Variants in ZNF396 observed in about 807,000 individuals in gnomAD.
ZNF396 encodes the protein zinc finger and SCAN domain-containing protein 14.
ZNF396 carries 14 observed loss-of-function variants against 20.5 expected under a neutral mutation model. The observed-to-expected ratio is 0.68, with a 90% CI of 0.45 to 1.07. The LOEUF is 1.07. Ranked by LOEUF, ZNF396 falls within the 50% of genes least tolerant of loss-of-function variation. The pLI is 0.00. For synonymous variants in ZNF396, 119 were observed against 140.6 expected, an observed-to-expected ratio of 0.85 and a Z score of 1.08; for missense variants, 347 against 390.1, an observed-to-expected ratio of 0.89 and a Z score of 0.93.
intron 1 of ZNF396, among the ~76,000 whole-genome samples, chr18:35,376,840 G>T (rs1007472270): frequency 1.3e-5 from 2 of 152,186 alleles, no homozygotes; most frequent in African/African-American, 4.8e-5. Flanking sequence ...CCCTGGAGGG[G>T]AGGCTTCGAT....
chr18:35,373,984 G>A lies in ZNF396; in HGVS notation c.309C>T (p.Ile103=). 1 of 1,614,180 alleles carries A rather than the reference G, an allele frequency of 6.2e-7. No individual in the cohort carries two copies. The highest frequency in any genetic ancestry group is 8.5e-7 in the Non-Finnish European group (1 of 1,180,022). Residue 103 remains isoleucine (I), a synonymous_variant, in exon 2 of 4, where the codon ATC becomes ATT. Coordinates refer to ENST00000589332, the MANE Select transcript of ZNF396 (RefSeq NM_001322286.2). The part of the protein sequence containing the change: ...ELLVLEQFLA[I]LPKELQAWVQ... ...CCCAGGCCTGAAGCTCTTTTGGGAG[G>A]ATGGCCAGGAACTGCTCCAGCACCA... is the stretch of plus-strand genomic sequence containing the variant.
chr18:35,375,498 C>G (rs952445704), intron 1 of ZNF396, among the ~76,000 whole-genome samples: 1 of 151,950 alleles, frequency 6.6e-6, no homozygotes, highest in Non-Finnish European at 1.5e-5. Flanking sequence ...TCAAGCATGT[C>G]CCAAGGCCTC....
intron 1 of ZNF396, among the ~76,000 whole-genome samples, chr18:35,376,640 G>A (rs1256620462): frequency 2.6e-5 from 4 of 152,192 alleles, no homozygotes; most frequent in Non-Finnish European, 5.9e-5. Context: ...GACCTGAGAG[G>A]TGGGAAGGGT....
chr18:35,368,059 A>C lies in ZNF396; in HGVS notation c.*1156T>G, dbSNP rs1392062056. On this transcript the variant is annotated 3_prime_UTR_variant, in exon 4 of 4. Transcript: ENST00000589332. Reference sequence around the variant, plus strand: ...GGTACATCTCTCCGACACACACTGTACTTGACAACACTTGTGGTACATCAG... The same window carrying C: ...GGTACATCTCTCCGACACACACTGTCCTTGACAACACTTGTGGTACATCAG... 1.1e-5 allele frequency: 2 copies of C among 187,100 alleles called. No individual in the cohort carries two copies. Among genetic ancestry groups the C allele is most frequent in the African/African-American group, 2.3e-5 (1 of 42,738 alleles). The allele number at this position is 187,100 out of a possible 1,614,324, so 11.6% of individuals were successfully genotyped here.
chr18:35,373,632 A>C, intron 2 of ZNF396, 32 bp from the exon 3 acceptor site: 1 of 1,609,818 alleles, frequency 6.2e-7, no homozygotes, highest in Non-Finnish European at 8.5e-7. Flanking sequence ...GCTGAAGAAC[A>C]CCATCAGGTT....
chr18:35,374,214 T>G lies in ZNF396; in HGVS notation c.79A>C (p.Met27Leu). The change falls in exon 2 of 4, where the codon ATG (methionine) becomes CTG (leucine). Residue 27 changes from methionine (M) to leucine (L), a missense_variant. Transcript: ENST00000589332. This position sits in a 1 kb window ranked among gnomAD's most constrained non-coding sequence, Gnocchi z 4.3. ...TCACAGGTCTGCTCTTCCTCTTCCA[T>G]CTTCTCTGTCAGAATCCCATTACAC... ...EECNGILTEKMEEEEQTCDPD... is the reference protein window; with the variant it reads ...EECNGILTEKLEEEEQTCDPD... 2 of 1,614,240 alleles carry G rather than the reference T, an allele frequency of 1.2e-6. No individual in the cohort carries two copies. Among genetic ancestry groups the G allele is most frequent in the Non-Finnish European group, 1.7e-6 (2 of 1,180,046 alleles).
In ZNF396 at chr18:35,367,884, C is replaced by T. The variant is rs1309227437; in HGVS notation, c.*1331G>A. The T allele has an allele frequency of 6.6e-6, 1 of 152,208 alleles. No homozygotes were observed. Among genetic ancestry groups the T allele is most frequent in the Non-Finnish European group, 1.5e-5 (1 of 68,044 alleles). The allele number at this position is 152,208 out of a possible 1,614,324, so 9.4% of individuals were successfully genotyped here. A position where few individuals can be genotyped will look rare whatever the true frequency, so the allele number is the denominator to read the frequency against. On this transcript the variant is annotated 3_prime_UTR_variant, in exon 4 of 4. Transcript: ENST00000589332. ...AGGGTCTCATTTCATGACAGCGTGT[C>T]TAGAAACTCATCTTACTAAGAATAC...
Position 35,369,131 on chromosome 18 carries a change from A to G in ZNF396, c.*84T>C, listed in dbSNP as rs1390829128. The G allele has an allele frequency of 6.9e-7, 1 of 1,456,238 alleles. No individual in the cohort carries two copies. The highest frequency in any genetic ancestry group is 9.0e-7 in the Non-Finnish European group (1 of 1,106,202). 90.2% of individuals were successfully genotyped at this position (1,456,238 alleles called of 1,614,324 possible). ...AGACTGGTGCTTACTAAGACCACTG[A>G]TTTGTACTAAGGAGCGTTTGCATCT... On this transcript the variant is annotated 3_prime_UTR_variant, in exon 4 of 4. Transcript: ENST00000589332.
chr18:35,371,206 T>A (rs978503099), intron 3 of ZNF396, among the ~76,000 whole-genome samples: 8 of 152,318 alleles, frequency 5.3e-5, no homozygotes, highest in African/African-American at 1.9e-4. Flanking sequence ...AATCTTAACA[T>A]AAGCCCTTCC....
rs552037661 is a variant in ZNF396, at chr18:35,369,098, T to C, written c.*117A>G. 5 of 1,437,244 alleles carry C rather than the reference T, an allele frequency of 3.5e-6. No individual in the cohort carries two copies. Among genetic ancestry groups the C allele is most frequent in the Middle Eastern group, 2.5e-4 (1 of 3,994 alleles). 89.0% of individuals were successfully genotyped at this position (1,437,244 alleles called of 1,614,324 possible). A position where few individuals can be genotyped will look rare whatever the true frequency, so the allele number is the denominator to read the frequency against. On this transcript the variant is annotated 3_prime_UTR_variant, in exon 4 of 4. Transcript: ENST00000589332. ...TTCTCTCCTGTGGCTTTCATGAGTCTTGAAAGGAGACTGGTGCTTACTAAG... is the reference window on the plus strand; with the variant it reads ...TTCTCTCCTGTGGCTTTCATGAGTCCTGAAAGGAGACTGGTGCTTACTAAG...
rs1414817761 is a variant in ZNF396 at position 35,368,761 on chromosome 18, T to C, written c.*454A>G. On this transcript the variant is annotated 3_prime_UTR_variant, in exon 4 of 4. Coordinates refer to ENST00000589332, the MANE Select transcript of ZNF396 (RefSeq NM_001322286.2). ...GCCAACCGCACCCAGCCAGGAATTC[T>C]TTTTGAGTGCTTTAATTTTTGGTCT... 3 of 989,536 alleles carry C rather than the reference T, an allele frequency of 3.0e-6. No individual in the cohort carries two copies. The highest frequency in any genetic ancestry group is 3.6e-6 in the Non-Finnish European group (3 of 833,038). 61.3% of individuals were successfully genotyped at this position (989,536 alleles called of 1,614,324 possible).
chr18:35,370,165 A>C (rs2045153934), intron 3 of ZNF396, among the ~76,000 whole-genome samples: 1 of 152,258 alleles, frequency 6.6e-6, no homozygotes, highest in Non-Finnish European at 1.5e-5. Flanking sequence ...TTAGGCCAAT[A>C]AAGGGAAGAT....
chr18:35,369,216 T>TA lies in ZNF396; in HGVS notation c.1006dup (p.Ter336LeufsTer27), dbSNP rs2045137005. 1 of 1,563,372 alleles carries TA rather than the reference T, an allele frequency of 6.4e-7. No homozygotes were observed. The highest frequency in any genetic ancestry group is 1.4e-5 in the African/African-American group (1 of 73,104). ...AATGCTTTGATTCCCTCATGATACT[T>TA]ATGGGACTTTTTTTCTAATGTGTCT... On this transcript the variant is annotated frameshift_variant and stop_lost, in exon 4 of 4. Coordinates refer to ENST00000589332, the MANE Select transcript of ZNF396 (RefSeq NM_001322286.2). LOFTEE classifies it high-confidence loss of function.
At chr18:35,375,308 A>C (rs9304147) in intron 1 of ZNF396, among the ~76,000 whole-genome samples, 2 of 145,504 alleles carry the variant, frequency 1.4e-5, no homozygotes, top group Non-Finnish European at 1.5e-5. Context: ...AAAAAAGAAA[A>C]AACAACAAAA....
In ZNF396 at chr18:35,368,482, T is replaced by TTTTATTTATTTATTTATTTATTTATTTA. The variant is rs56036260; in HGVS notation, c.*705_*732dup. The TTTTATTTATTTATTTATTTATTTATTTA allele has an allele frequency of 3.0e-6, 1 of 336,420 alleles. No homozygotes were observed. Among genetic ancestry groups the TTTTATTTATTTATTTATTTATTTATTTA allele is most frequent in the Non-Finnish European group, 5.0e-6 (1 of 198,256 alleles). The allele number at this position is 336,420 out of a possible 1,614,324, so 20.8% of individuals were successfully genotyped here. ...AGACAAAATAGGAATTTATTTTTAT[T>TTTTATTTATTTATTTATTTATTTATTTA]TTTATTTATTTATTTATTTATTTAT... On this transcript the variant is annotated 3_prime_UTR_variant, in exon 4 of 4. Transcript: ENST00000589332.
Position 35,368,818 on chromosome 18 carries a change from A to C in ZNF396, c.*397T>G. On this transcript the variant is annotated 3_prime_UTR_variant, in exon 4 of 4. Coordinates refer to ENST00000589332, the MANE Select transcript of ZNF396 (RefSeq NM_001322286.2). ...TTCTAGTGCTCAAGTTATGAAATGG[A>C]GGAGAATGTCTATTTTTACACTGAG... 1.0e-6 allele frequency: 1 copy of C among 996,416 alleles called. No individual in the cohort carries two copies. The highest frequency in any genetic ancestry group is 1.2e-6 in the Non-Finnish European group (1 of 837,752). The allele number at this position is 996,416 out of a possible 1,614,324, so 61.7% of individuals were successfully genotyped here. A position where few individuals can be genotyped will look rare whatever the true frequency, so the allele number is the denominator to read the frequency against.
At chr18:35,373,633 C>G in intron 2 of ZNF396, 33 bp from the exon 3 acceptor site, 2 of 1,609,182 alleles carry the variant, frequency 1.2e-6, no homozygotes, top group Non-Finnish European at 1.7e-6. Context: ...CTGAAGAACA[C>G]CATCAGGTTG....
At chr18:35,369,748 A>G in intron 3 of ZNF396, 88 bp from the exon 4 acceptor site, 1 of 1,323,742 alleles carries the variant, frequency 7.6e-7, no homozygotes. Context: ...TTTATAAAAC[A>G]ACACACAATG....
intron 3 of ZNF396, 45 bp from the exon 4 acceptor site, chr18:35,369,705 C>G: frequency 1.3e-6 from 2 of 1,526,512 alleles, no homozygotes; most frequent in Non-Finnish European, 1.8e-6. Flanking sequence ...AAAGGATGAT[C>G]CAAATGAAAT....
Sources: allele counts gnomAD v4.1 joint callset (sites outside exome capture counted in the v4.1 genomes callset), GRCh38; gene constraint gnomAD v4.1.1; non-coding constraint Gnocchi (gnomAD v3.1); transcripts MANE v1.5; gene names NCBI Gene and HGNC (gene_info 2026-07-23, HGNC 2026-07-21).